Variants in CLNK observed in about 807,000 individuals in gnomAD.
The protein encoded by CLNK is cytokine-dependent hematopoietic cell linker.
CLNK carries 74 observed loss-of-function variants against 68.6 expected under a neutral mutation model. The observed-to-expected ratio is 1.08, with a 90% CI of 0.89 to 1.31. The LOEUF (loss-of-function observed/expected upper bound fraction) is 1.31. CLNK is among the 50% of genes most tolerant of loss of function. The pLI, the probability that CLNK is intolerant of heterozygous loss-of-function variation, is 0.00. For synonymous variants in CLNK, 198 were observed against 172.2 expected, an observed-to-expected ratio of 1.15 and a Z score of -1.17; for missense variants, 553 against 515.3, an observed-to-expected ratio of 1.07 and a Z score of -0.71.
intron 2 of CLNK, among the ~76,000 whole-genome samples, chr4:10,654,322 A>G (rs533863609): frequency 6.7e-6 from 1 of 148,902 alleles, no homozygotes; most frequent in Admixed American, 6.7e-5. Flanking sequence ...GGAAAAATAT[A>G]TAATCACTTT....
chr4:10,553,895 T>C (rs1577125728), intron 8 of CLNK, among the ~76,000 whole-genome samples: 1 of 152,224 alleles, frequency 6.6e-6, no homozygotes, highest in South Asian at 2.1e-4. Context: ...TGCTGTTCCT[T>C]ATACTTAGCT....
At chr4:10,726,241 G>A in the CLNK span, among the ~76,000 whole-genome samples, 12 of 152,168 alleles carry the variant, frequency 7.9e-5, no homozygotes, top group East Asian at 2.1e-3. Context: ...CCTGCCTCAC[G>A]CCTCAGGTAG....
chr4:10,499,886 T>A (rs1489342368), intron 18 of CLNK, among the ~76,000 whole-genome samples: 1 of 152,180 alleles, frequency 6.6e-6, no homozygotes, highest in Admixed American at 6.5e-5. Context: ...ATCTCTCATA[T>A]TGGATTAGGA....
At chr4:10,722,363 A>G in the CLNK span, among the ~76,000 whole-genome samples, 1 of 152,180 alleles carries the variant, frequency 6.6e-6, no homozygotes, top group Non-Finnish European at 1.5e-5. Context: ...TGGCTCCAAC[A>G]TCCCCTTCCA....
At chr4:10,716,886 G>T in the CLNK span, among the ~76,000 whole-genome samples, 1 of 151,804 alleles carries the variant, frequency 6.6e-6, no homozygotes, top group African/African-American at 2.4e-5. Flanking sequence ...TAGAGACAGG[G>T]TTTCACCATG....
At chr4:10,634,119 T>C (rs566949385) in intron 2 of CLNK, among the ~76,000 whole-genome samples, 1 of 152,308 alleles carries the variant, frequency 6.6e-6, no homozygotes, top group South Asian at 2.1e-4. Context: ...TGGATAATAC[T>C]TGCATTTTTA....
intron 2 of CLNK, among the ~76,000 whole-genome samples, chr4:10,666,968 C>T (rs1308492025): frequency 6.6e-6 from 1 of 152,200 alleles, no homozygotes; most frequent in Non-Finnish European, 1.5e-5. Context: ...CTGCGAGGTA[C>T]AGTCATTGCA....
chr4:10,710,095 C>T, the CLNK span, among the ~76,000 whole-genome samples: 2 of 152,166 alleles, frequency 1.3e-5, no homozygotes, highest in East Asian at 1.9e-4. Flanking sequence ...CAGATGGAAA[C>T]ATTTCTGTAA....
intron 1 of CLNK, among the ~76,000 whole-genome samples, chr4:10,668,243 C>G (rs951419661): frequency 6.6e-6 from 1 of 152,274 alleles, no homozygotes; most frequent in Admixed American, 6.5e-5. Flanking sequence ...GCTTGGCTGG[C>G]TCTCCTCTGA....
At chr4:10,512,476 C>A (rs1201230524) in intron 16 of CLNK, among the ~76,000 whole-genome samples, 1 of 151,912 alleles carries the variant, frequency 6.6e-6, no homozygotes, top group African/African-American at 2.4e-5. Flanking sequence ...GGTGACCTAC[C>A]CACCTTGGCC....
chr4:10,530,595 C>G (rs1369134079), intron 12 of CLNK, among the ~76,000 whole-genome samples: 1 of 152,194 alleles, frequency 6.6e-6, no homozygotes, highest in Non-Finnish European at 1.5e-5. Context: ...AACAGTTCTG[C>G]ACATTTCCTG....
At chr4:10,602,667 C>A (rs1328512247) in intron 2 of CLNK, among the ~76,000 whole-genome samples, 2 of 152,176 alleles carry the variant, frequency 1.3e-5, no homozygotes, top group African/African-American at 2.4e-5. Context: ...TCAGCCAGTA[C>A]GTTTACGTTT....
the CLNK span, among the ~76,000 whole-genome samples, chr4:10,711,783 A>G: frequency 5.1e-4 from 77 of 152,290 alleles, no homozygotes; most frequent in Non-Finnish European, 1.0e-4. Context: ...GAAATAGATT[A>G]TTTCTTGTCT....
chr4:10,653,614 T>C (rs1286646535), intron 2 of CLNK, among the ~76,000 whole-genome samples: 2 of 152,140 alleles, frequency 1.3e-5, no homozygotes, highest in Non-Finnish European at 2.9e-5. Flanking sequence ...TAAAATTTAA[T>C]TAACAAAGCA....
At chr4:10,589,290 C>T (rs572454612) in intron 3 of CLNK, among the ~76,000 whole-genome samples, 86 of 152,238 alleles carry the variant, frequency 5.6e-4, no homozygotes, top group African/African-American at 1.7e-3. Flanking sequence ...GGGATTTGTC[C>T]GAGTCCCTCC....
the CLNK span, among the ~76,000 whole-genome samples, chr4:10,699,307 A>G: frequency 1.0e-4 from 3 of 29,202 alleles, no homozygotes; most frequent in African/African-American, 3.3e-4. Flanking sequence ...CACACACCAC[A>G]TACGTGTATA....
intron 1 of CLNK, among the ~76,000 whole-genome samples, chr4:10,680,292 T>C (rs1203089073): frequency 2.1e-5 from 3 of 143,306 alleles, no homozygotes; most frequent in African/African-American, 7.8e-5. Flanking sequence ...CCGCATGTTC[T>C]CACTCATAGG....
intron 3 of CLNK, among the ~76,000 whole-genome samples, chr4:10,595,748 G>T (rs372824025): frequency 5.9e-5 from 9 of 152,266 alleles, no homozygotes; most frequent in Admixed American, 3.3e-4. Flanking sequence ...TAGCCACTGA[G>T]CCTCTAGGGA....
intron 8 of CLNK, among the ~76,000 whole-genome samples, chr4:10,557,735 C>T (rs530014253): frequency 1.6e-4 from 24 of 152,240 alleles, no homozygotes; most frequent in African/African-American, 2.9e-4. Flanking sequence ...GAAAAGATGG[C>T]GCTAGTAATA....
Sources: allele counts gnomAD v4.1 joint callset (sites outside exome capture counted in the v4.1 genomes callset), GRCh38; gene constraint gnomAD v4.1.1; transcripts MANE v1.5; gene names NCBI Gene and HGNC (gene_info 2026-07-23, HGNC 2026-07-21).